PGBD2: variants seen among roughly 807,000 people sequenced by gnomAD.
The protein encoded by PGBD2 is piggyBac transposable element derived 2, also known as piggyBac transposable element-derived protein 2.
PGBD2 carries 6 observed loss-of-function variants against 8.1 expected under a neutral mutation model. That is an observed-to-expected ratio of 0.74 (90% CI 0.40 to 1.46). The LOEUF is 1.46. Ranked by LOEUF, PGBD2 falls within the 40% of genes most tolerant of loss-of-function variation. PGBD2 has a pLI of 0.02. For synonymous variants in PGBD2, 318 were observed against 272.2 expected, an observed-to-expected ratio of 1.17 and a Z score of -1.66; for missense variants, 802 against 739.0, an observed-to-expected ratio of 1.09 and a Z score of -0.99.
the PGBD2 span, among the ~76,000 whole-genome samples, chr1:248,878,038 G>T: frequency 6.6e-6 from 1 of 152,222 alleles, no homozygotes; most frequent in Non-Finnish European, 1.5e-5. Flanking sequence ...GGAGATTGGG[G>T]TAATTGTAAC....
the PGBD2 span, among the ~76,000 whole-genome samples, chr1:248,872,970 ACTT>A: frequency 6.6e-6 from 1 of 152,180 alleles, no homozygotes; most frequent in African/African-American, 2.4e-5. Context: ...TAAAAATAGA[ACTT>A]CTCCACCACT....
In PGBD2 at chr1:248,916,668, TGCTATG is replaced by T; in HGVS notation, c.86_91del (p.Ala29_Met30del). 6.2e-7 allele frequency: 1 copy of T among 1,614,130 alleles called. No individual in the cohort carries two copies. Among genetic ancestry groups the T allele is most frequent in the Non-Finnish European group, 8.5e-7 (1 of 1,180,022 alleles). On this transcript the variant is annotated inframe_deletion, in exon 3 of 3. Transcript: ENST00000329291. ...CTGCAAAGCTGCTTGAGGTTCTGAA[TGCTATG>T]GAGGAGGAAGAGTCCAACAACAACA...
chr1:248,920,623 T>C (rs1662264725), downstream of PGBD2, among the ~76,000 whole-genome samples: 2 of 152,196 alleles, frequency 1.3e-5, no homozygotes, highest in South Asian at 4.1e-4. Context: ...TGTGTCTTTG[T>C]AGTAGAATGA....
At chr1:248,881,222 G>A in the PGBD2 span, among the ~76,000 whole-genome samples, 1 of 152,042 alleles carries the variant, frequency 6.6e-6, no homozygotes, top group Non-Finnish European at 1.5e-5. Flanking sequence ...GATCTCTAGA[G>A]CTATCCTACC....
intron 1 of PGBD2, among the ~76,000 whole-genome samples, chr1:248,911,933 G>T (rs1476255197): frequency 1.3e-5 from 2 of 152,042 alleles, no homozygotes; most frequent in African/African-American, 4.8e-5. Flanking sequence ...GAGAGGGGTT[G>T]TTGGTCTATT....
chr1:248,872,898 T>C, the PGBD2 span, among the ~76,000 whole-genome samples: 1 of 152,220 alleles, frequency 6.6e-6, no homozygotes, highest in African/African-American at 2.4e-5. Context: ...ACATATATTT[T>C]AGTTTTTGAA....
Position 248,913,843 on chromosome 1 carries a change from C to G in PGBD2, c.-20C>G, listed in dbSNP as rs1373989682. The G allele has an allele frequency of 5.0e-6, 8 of 1,602,736 alleles. No homozygotes were observed. The highest frequency in any genetic ancestry group is 6.8e-6 in the Non-Finnish European group (8 of 1,169,682). ...TCTTAGACTCTGTGAGTAAAGACAG[C>G]TTCATCTTCCCAGTTCATCATGGCT... On this transcript the variant is annotated 5_prime_UTR_variant, in exon 2 of 3. Transcript: ENST00000329291.
chr1:248,901,611 A>G (rs1353607713), upstream of PGBD2, among the ~76,000 whole-genome samples: 3 of 152,242 alleles, frequency 2.0e-5, no homozygotes, highest in African/African-American at 7.2e-5. Flanking sequence ...TAAAGGCTTA[A>G]ATGTAAAATC....
chr1:248,890,965 C>CCACAGACATCACACAT, the PGBD2 span, among the ~76,000 whole-genome samples: 1 of 151,772 alleles, frequency 6.6e-6, no homozygotes, highest in Non-Finnish European at 1.5e-5. Context: ...TCTCTACACA[C>CCACAGACATCACACAT]CACAGACATC....
the PGBD2 span, among the ~76,000 whole-genome samples, chr1:248,897,080 A>G: frequency 7.9e-5 from 12 of 152,210 alleles, no homozygotes; most frequent in Non-Finnish European, 1.6e-4. Flanking sequence ...GCCGTGGTAA[A>G]GAAATCAAAG....
the PGBD2 span, among the ~76,000 whole-genome samples, chr1:248,877,620 A>G: frequency 6.6e-6 from 1 of 152,186 alleles, no homozygotes; most frequent in African/African-American, 2.4e-5. Context: ...GGGGCAATAA[A>G]TGATTACTAG....
the PGBD2 span, among the ~76,000 whole-genome samples, chr1:248,873,240 G>A: frequency 6.6e-6 from 1 of 152,162 alleles, no homozygotes; most frequent in East Asian, 1.9e-4. Flanking sequence ...TGGACGCTAA[G>A]GCACTCGTTA....
intron 2 of PGBD2, 141 bp from the exon 3 acceptor site, chr1:248,916,461 C>G (rs749753994): frequency 4.7e-5 from 32 of 673,854 alleles, no homozygotes; most frequent in Middle Eastern, 4.0e-4. Flanking sequence ...AATTTACTTA[C>G]TAAATGCGGT....
upstream of PGBD2, among the ~76,000 whole-genome samples, chr1:248,903,540 T>C (rs1239705292): frequency 6.6e-6 from 1 of 152,190 alleles, no homozygotes; most frequent in Non-Finnish European, 1.5e-5. Flanking sequence ...ACATAGTGCG[T>C]CAAATCAATT....
the PGBD2 span, among the ~76,000 whole-genome samples, chr1:248,893,735 T>C: frequency 6.6e-6 from 1 of 152,228 alleles, no homozygotes; most frequent in South Asian, 2.1e-4. Context: ...CTAATGTTTA[T>C]TCTTTTGGCT....
At position 248,908,923 on chromosome 1, in the gene PGBD2, A is replaced by G. The variant is rs777237604; in HGVS notation, c.-48+2581A>G. ...ATCATTTTGTCTTTTCCTCAGGGAG[A>G]TATTCTCTGACCTCCCTGACTAGAT... On this transcript the variant is annotated intron_variant, in intron 1 of 2. Transcript: ENST00000329291. Among the ~76,000 whole-genome samples, 36 of 151,906 alleles carry G rather than the reference A, an allele frequency of 2.4e-4. 1 individual carries two copies. The highest frequency in any genetic ancestry group is 8.2e-4 in the African/African-American group (34 of 41,386).
chr1:248,891,029 C>G, the PGBD2 span, among the ~76,000 whole-genome samples: 1 of 152,140 alleles, frequency 6.6e-6, no homozygotes, highest in South Asian at 2.1e-4. Context: ...AATATACACG[C>G]AGGCATGCAC....
At chr1:248,889,206 G>A in the PGBD2 span, among the ~76,000 whole-genome samples, 3,050 of 152,174 alleles carry the variant, frequency 0.02, 101 homozygotes, top group African/African-American at 0.068. Context: ...CCAACATGGC[G>A]AAACCCCATC....
At chr1:248,914,374 G>A in intron 2 of PGBD2, 1 of 982,892 alleles carries the variant, frequency 1.0e-6, no homozygotes, top group Non-Finnish European at 1.2e-6. Context: ...CTTACTCCAA[G>A]GTCCATGAGA....
Sources: allele counts gnomAD v4.1 joint callset (sites outside exome capture counted in the v4.1 genomes callset), GRCh38; gene constraint gnomAD v4.1.1; transcripts MANE v1.5; gene names NCBI Gene and HGNC (gene_info 2026-07-23, HGNC 2026-07-21).